The following CDH13 variants were observed in gnomAD, a reference collection of about 807,000 sequenced individuals.
CDH13 encodes cadherin-13.
In CDH13, 24 loss-of-function variants were observed where a neutral mutation model predicts 63.8. The observed-to-expected ratio is 0.38, with a 90% CI of 0.27 to 0.53. The LOEUF (loss-of-function observed/expected upper bound fraction) is 0.53, where lower values mean the gene tolerates loss of function less well. Ranked by LOEUF, CDH13 falls within the 20% of genes least tolerant of loss-of-function variation. The pLI, the probability that CDH13 is intolerant of heterozygous loss-of-function variation, is 0.85. For synonymous variants in CDH13, 503 were observed against 355.3 expected (o/e 1.42, Z -4.67); for missense variants, 1,049 against 903.1 (o/e 1.16, Z -2.07).
At chr16:82,863,184 G>C (rs1280382325) in intron 2 of CDH13, among the ~76,000 whole-genome samples, 1 of 152,170 alleles carries the variant, frequency 6.6e-6, no homozygotes, top group Non-Finnish European at 1.5e-5. Flanking sequence ...GACCACAAAG[G>C]AGCCAGCTGT....
chr16:82,939,207 T>C (rs1214833383), intron 2 of CDH13, among the ~76,000 whole-genome samples: 1 of 152,166 alleles, frequency 6.6e-6, no homozygotes, highest in African/African-American at 2.4e-5. Flanking sequence ...ATGGATCACC[T>C]GAGCTCAGGG....
At chr16:82,958,120 C>A (rs1906405046) in intron 2 of CDH13, among the ~76,000 whole-genome samples, 2 of 152,178 alleles carry the variant, frequency 1.3e-5, no homozygotes, top group Non-Finnish European at 2.9e-5. Context: ...CCATACCTAA[C>A]CTAAAATCCC....
intron 2 of CDH13, among the ~76,000 whole-genome samples, chr16:82,905,041 C>T (rs187250329): frequency 6.6e-6 from 1 of 152,290 alleles, no homozygotes; most frequent in African/African-American, 2.4e-5. Flanking sequence ...CAATTGGACT[C>T]TTCCCTAGAA....
At chr16:82,738,528 C>T (rs562264002) in intron 1 of CDH13, among the ~76,000 whole-genome samples, 25 of 152,320 alleles carry the variant, frequency 1.6e-4, no homozygotes, top group African/African-American at 5.3e-4. Flanking sequence ...TTCCAAATTC[C>T]TTAGCTTAGT....
intron 11 of CDH13, among the ~76,000 whole-genome samples, chr16:83,775,764 G>A (rs1290500145): frequency 6.6e-6 from 1 of 152,022 alleles, no homozygotes; most frequent in African/African-American, 2.4e-5. Flanking sequence ...AAAAGAAAGA[G>A]AAAATTCATA....
chr16:83,525,595 C>G (rs1355384994), intron 7 of CDH13, among the ~76,000 whole-genome samples: 1 of 152,216 alleles, frequency 6.6e-6, no homozygotes, highest in African/African-American at 2.4e-5. Context: ...TCCATTCTGA[C>G]TTCACATCCA....
At chr16:83,503,376 G>C (rs995624518) in intron 7 of CDH13, among the ~76,000 whole-genome samples, 2 of 152,206 alleles carry the variant, frequency 1.3e-5, no homozygotes, top group African/African-American at 4.8e-5. Context: ...GAGAGATTCG[G>C]ATGGGGTGGG....
chr16:82,669,759 C>T (rs1019824459), intron 1 of CDH13, among the ~76,000 whole-genome samples: 2 of 152,158 alleles, frequency 1.3e-5, no homozygotes, highest in Admixed American at 6.5e-5. Context: ...ACCATTTGCT[C>T]CCCAGTTATC....
intron 8 of CDH13, among the ~76,000 whole-genome samples, chr16:83,630,382 C>G (rs971212061): frequency 1.3e-5 from 2 of 152,230 alleles, no homozygotes; most frequent in African/African-American, 2.4e-5. Context: ...GACACGTGCC[C>G]GAGGTGCTCA....
At chr16:83,087,693 A>AG (rs1303201531) in intron 3 of CDH13, among the ~76,000 whole-genome samples, 1 of 151,372 alleles carries the variant, frequency 6.6e-6, no homozygotes, top group East Asian at 1.9e-4. Context: ...AAAAAAAAAA[A>AG]AAAAGCCTAG....
chr16:83,547,120 T>C (rs1262726540), intron 7 of CDH13, among the ~76,000 whole-genome samples: 1 of 152,154 alleles, frequency 6.6e-6, no homozygotes, highest in Non-Finnish European at 1.5e-5. Flanking sequence ...TGGAGTATGA[T>C]AACCATCTAG....
chr16:83,027,812 T>G (rs555020126), intron 2 of CDH13, among the ~76,000 whole-genome samples: 3 of 152,282 alleles, frequency 2.0e-5, no homozygotes, highest in Non-Finnish European at 2.9e-5. Flanking sequence ...GTTCGGTAGA[T>G]GCCGCAGGAC....
intron 1 of CDH13, among the ~76,000 whole-genome samples, chr16:82,836,637 G>A (rs910431735): frequency 6.6e-6 from 1 of 152,224 alleles, no homozygotes; most frequent in Non-Finnish European, 1.5e-5. Context: ...CAGCGTCTTG[G>A]CATTTTTTAC....
At chr16:82,975,840 C>T (rs921584952) in intron 2 of CDH13, among the ~76,000 whole-genome samples, 4 of 152,072 alleles carry the variant, frequency 2.6e-5, no homozygotes, top group African/African-American at 7.2e-5. Flanking sequence ...TACCCCCATC[C>T]CTGAAAAATG....
At chr16:83,423,296 T>G (rs1460467021) in intron 6 of CDH13, among the ~76,000 whole-genome samples, 1 of 152,148 alleles carries the variant, frequency 6.6e-6, no homozygotes. Context: ...TTTAACTAAG[T>G]CGTTATTGAA....
At chr16:82,649,833 C>T (rs1171381608) in intron 1 of CDH13, among the ~76,000 whole-genome samples, 1 of 152,204 alleles carries the variant, frequency 6.6e-6, no homozygotes, top group African/African-American at 2.4e-5. Context: ...AACCCCATAA[C>T]TGTCTCTGCT....
chr16:83,510,580 G>A (rs745771265), intron 7 of CDH13, among the ~76,000 whole-genome samples: 2 of 152,228 alleles, frequency 1.3e-5, no homozygotes, highest in Non-Finnish European at 2.9e-5. Context: ...GAGAAGGGCT[G>A]CAGTAGTTGT....
chr16:83,791,917 T>G (rs903441215), intron 13 of CDH13, among the ~76,000 whole-genome samples: 2 of 152,176 alleles, frequency 1.3e-5, no homozygotes, highest in African/African-American at 4.8e-5. Flanking sequence ...ATGCATCCGT[T>G]GCAAGTGTAC....
intron 1 of CDH13, among the ~76,000 whole-genome samples, chr16:82,656,095 C>A (rs1465031519): frequency 6.6e-6 from 1 of 152,202 alleles, no homozygotes; most frequent in African/African-American, 2.4e-5. Context: ...AGAGAAAGAG[C>A]ATCTGCCTTG....
Sources: gnomAD v4.1 joint callset for allele counts (sites outside exome capture counted in the v4.1 genomes callset) on GRCh38, gnomAD v4.1.1 for gene constraint, MANE v1.5 for transcripts, NCBI Gene and HGNC (gene_info 2026-07-23, HGNC 2026-07-21) for gene names.